TTC23L: variants seen among roughly 807,000 people sequenced by gnomAD.
TTC23L encodes tetratricopeptide repeat protein 23-like.
In TTC23L, 42 loss-of-function variants were observed where a neutral mutation model predicts 48.1. That is an observed-to-expected ratio of 0.87 (90% CI 0.68 to 1.13). The LOEUF (loss-of-function observed/expected upper bound fraction) is 1.13. Among genes scored for constraint, TTC23L ranks in the 50% most tolerant of loss-of-function variants. The pLI, the probability that TTC23L is intolerant of heterozygous loss-of-function variation, is 0.00. For missense variants in TTC23L, 391 were observed against 421.0 expected (o/e 0.93, Z 0.62); for synonymous variants, 159 against 157.2 (o/e 1.01, Z -0.09).
chr5:34,893,440 A>C (rs1420215400), intron 9 of TTC23L, among the ~76,000 whole-genome samples: 1 of 152,192 alleles, frequency 6.6e-6, no homozygotes, highest in Non-Finnish European at 1.5e-5. Context: ...GGAATGGATA[A>C]AATAACCCAT....
At chr5:34,865,283 G>C (rs923108731) in intron 6 of TTC23L, among the ~76,000 whole-genome samples, 3 of 152,206 alleles carry the variant, frequency 2.0e-5, no homozygotes, top group African/African-American at 7.2e-5. Context: ...TGGCACAGTA[G>C]GGTATATGAC....
chr5:34,865,480 T>G (rs551744063), intron 6 of TTC23L, among the ~76,000 whole-genome samples: 4 of 152,278 alleles, frequency 2.6e-5, no homozygotes, highest in Non-Finnish European at 5.9e-5. Context: ...GGGCCTAAAG[T>G]TTTTCTGCCT....
chr5:34,924,160 C>T, the TTC23L span, among the ~76,000 whole-genome samples: 4 of 152,142 alleles, frequency 2.6e-5, no homozygotes, highest in Non-Finnish European at 5.9e-5. Flanking sequence ...GGAGGTGACT[C>T]TAGAAATCTT....
At chr5:34,923,525 G>A in the TTC23L span, among the ~76,000 whole-genome samples, 11 of 152,222 alleles carry the variant, frequency 7.2e-5, no homozygotes, top group Middle Eastern at 3.4e-3. Flanking sequence ...CCATCTGCCC[G>A]CCTTGGCCTC....
chr5:34,910,731 C>T, the TTC23L span, among the ~76,000 whole-genome samples: 1 of 152,048 alleles, frequency 6.6e-6, no homozygotes, highest in African/African-American at 2.4e-5. Context: ...CTTTTACAGC[C>T]GGGCCTGTAA....
rs1400922681 is a variant in TTC23L, at chr5:34,863,863, C to T, written c.537-574C>T. On this transcript the variant is annotated intron_variant, in intron 5 of 10. Coordinates refer to ENST00000505624, the Ensembl canonical transcript of TTC23L. The surrounding 1 kb of genome is among the most constrained non-coding windows in gnomAD (Gnocchi z 4.1). Reference sequence around the variant, plus strand: ...CAGTCTCCTCTCTACACATCCCCCTCTCTACTTTTTTGGTCCTAATGTTCA... The same window carrying T: ...CAGTCTCCTCTCTACACATCCCCCTTTCTACTTTTTTGGTCCTAATGTTCA... Among the ~76,000 whole-genome samples the T allele has an allele frequency of 6.6e-6, 1 of 152,206 alleles. No individual in the cohort carries two copies. Among genetic ancestry groups the T allele is most frequent in the Admixed American group, 6.5e-5 (1 of 15,284 alleles).
At chr5:34,913,496 G>C in the TTC23L span, 2 of 1,592,248 alleles carry the variant, frequency 1.3e-6, no homozygotes, top group South Asian at 1.1e-5. Context: ...TCCAAAAATA[G>C]ATAAACAGTC....
intron 8 of TTC23L, 97 bp downstream of exon 8, chr5:34,869,110 C>T: frequency 9.9e-7 from 1 of 1,007,594 alleles, no homozygotes; most frequent in Admixed American, 2.2e-5. Context: ...CTATTTATTC[C>T]TGTAATGGAA....
the TTC23L span, chr5:34,922,927 A>G: frequency 1.6e-6 from 2 of 1,268,150 alleles, no homozygotes; most frequent in Non-Finnish European, 2.3e-6. Flanking sequence ...TAGCCAAGTT[A>G]TAGAAACAAA....
intron 4 of TTC23L, chr5:34,861,486 CA>C (rs1231163196): frequency 6.6e-6 from 1 of 152,304 alleles, no homozygotes. Flanking sequence ...TCAGAAGTCA[CA>C]AAAGAACTGA....
exon 7 of TTC23L, chr5:34,866,966 C>A: frequency 6.2e-7 from 1 of 1,610,752 alleles, no homozygotes. Context: ...GTTATTGCTG[C>A]CAAGGGTGAT....
At chr5:34,873,487 C>G (rs545501634) in intron 8 of TTC23L, among the ~76,000 whole-genome samples, 1 of 152,118 alleles carries the variant, frequency 6.6e-6, no homozygotes, top group Non-Finnish European at 1.5e-5. Context: ...GTTATCACCA[C>G]GGGCCGCACA....
At chr5:34,914,883 G>A in the TTC23L span, 11 of 1,614,028 alleles carry the variant, frequency 6.8e-6, no homozygotes, top group African/African-American at 1.3e-5. Flanking sequence ...TGTTGGGTCA[G>A]AAGGGGCATC....
chr5:34,880,413 TA>T, intron 9 of TTC23L, 105 bp downstream of exon 9: 1 of 1,205,174 alleles, frequency 8.3e-7, no homozygotes, highest in Non-Finnish European at 1.1e-6. Context: ...AGGTCCCAGA[TA>T]AAACTAGGCA....
intron 8 of TTC23L, among the ~76,000 whole-genome samples, chr5:34,877,361 C>CT (rs796888113): frequency 0.014 from 1,708 of 121,074 alleles, 22 homozygotes; most frequent in African/African-American, 0.036. Context: ...CACCATTGTT[C>CT]TTTTTTTTTT....
In TTC23L at chr5:34,891,565, T is replaced by C. The variant is rs78251913; in HGVS notation, c.1078-5205T>C. Among the ~76,000 whole-genome samples, 995 of 152,356 alleles carry C rather than the reference T, an allele frequency of 6.5e-3. 10 individuals are homozygous for C. Among genetic ancestry groups the C allele is most frequent in the African/African-American group, 0.023 (966 of 41,574 alleles). ...AATCAGAGATGATTGTTAGCCACTA[T>C]TACCATAGGTTAGTTTTGAGATTTT... On this transcript the variant is annotated intron_variant, in intron 9 of 10. Transcript: ENST00000505624.
chr5:34,896,760 T>C lies in TTC23L; in HGVS notation c.1078-10T>C. The C allele has an allele frequency of 1.3e-6, 1 of 769,660 alleles. No individual in the cohort carries two copies. Among genetic ancestry groups the C allele is most frequent in the Non-Finnish European group, 2.4e-6 (1 of 412,788 alleles). 47.7% of individuals were successfully genotyped at this position (769,660 alleles called of 1,614,324 possible). A position where few individuals can be genotyped will look rare whatever the true frequency, so the allele number is the denominator to read the frequency against. ...CATAGAGAGGGTGACATTTGAGCCA[T>C]TTCTTAAAGGACAAGTAGCAGTTCA... is the stretch of plus-strand genomic sequence containing the variant. On this transcript the variant is annotated splice_polypyrimidine_tract_variant and intron_variant, in intron 9 of 10. Coordinates refer to ENST00000505624, the Ensembl canonical transcript of TTC23L.
At chr5:34,924,871 G>A in the TTC23L span, 222 of 1,606,278 alleles carry the variant, frequency 1.4e-4, 2 homozygotes, top group South Asian at 2.0e-3. Flanking sequence ...TGCTGCTCTT[G>A]TAGAAATAGG....
chr5:34,853,527 A>C (rs1759863089), intron 4 of TTC23L, among the ~76,000 whole-genome samples: 1 of 151,970 alleles, frequency 6.6e-6, no homozygotes, highest in African/African-American at 2.4e-5. Flanking sequence ...GAGACTCTGT[A>C]GTAGTGTGTA....
Sources: gnomAD v4.1 joint callset for allele counts (sites outside exome capture counted in the v4.1 genomes callset) on GRCh38, gnomAD v4.1.1 for gene constraint, Gnocchi (gnomAD v3.1) non-coding constraint, MANE v1.5 for transcripts, NCBI Gene and HGNC (gene_info 2026-07-23, HGNC 2026-07-21) for gene names.